Variants in MYO7B observed in about 807,000 individuals in gnomAD.
The protein encoded by MYO7B is unconventional myosin-VIIb.
MYO7B carries 212 observed loss-of-function variants against 259.7 expected under a neutral mutation model. That is an observed-to-expected ratio of 0.82 (90% CI 0.73 to 0.91). The LOEUF (loss-of-function observed/expected upper bound fraction) is 0.91. Among genes scored for constraint, MYO7B ranks in the 40% least tolerant of loss-of-function variants. The pLI is 0.00. For missense variants in MYO7B, 2,732 were observed against 2,813.5 expected, an observed-to-expected ratio of 0.97 and a Z score of 0.66; for synonymous variants, 1,197 against 1,166.4, an observed-to-expected ratio of 1.03 and a Z score of -0.54.
At position 127,635,231 on chromosome 2, in the gene MYO7B, C is replaced by G; in HGVS notation, c.5820+5C>G. On this transcript the variant is annotated splice_donor_5th_base_variant and intron_variant, in intron 43 of 47. Coordinates refer to ENST00000409816, the MANE Select transcript of MYO7B (RefSeq NM_001393586.1). ...ACCATACTCCATTACCACCAGGTAC[C>G]GGGCAGGCTGCCCTGGTGGGCACTG... 1 of 1,610,116 alleles carries G rather than the reference C, an allele frequency of 6.2e-7. No individual in the cohort carries two copies.
At chr2:127,538,309 A>G (rs531946307) in intron 1 of MYO7B, among the ~76,000 whole-genome samples, 43 of 152,294 alleles carry the variant, frequency 2.8e-4, no homozygotes, top group Non-Finnish European at 8.8e-5. Flanking sequence ...CCATGATGAT[A>G]GAAATGTTCT....
At chr2:127,603,947 T>C (rs973440946) in intron 19 of MYO7B, among the ~76,000 whole-genome samples, 4 of 148,718 alleles carry the variant, frequency 2.7e-5, no homozygotes, top group East Asian at 1.9e-4. Flanking sequence ...GCCTGGCCAA[T>C]ATGGTGAAAC....
rs1452751865 is a variant in MYO7B, at chr2:127,612,335, C to T, written c.3270+8C>T. The T allele has an allele frequency of 1.6e-6, 2 of 1,218,062 alleles. No homozygotes were observed. Among genetic ancestry groups the T allele is most frequent in the Admixed American group, 2.0e-5 (1 of 50,278 alleles). The allele number at this position is 1,218,062 out of a possible 1,614,324, so 75.5% of individuals were successfully genotyped here. A position where few individuals can be genotyped will look rare whatever the true frequency, so the allele number is the denominator to read the frequency against. On this transcript the variant is annotated splice_region_variant and intron_variant, in intron 25 of 47. Coordinates refer to ENST00000409816, the MANE Select transcript of MYO7B (RefSeq NM_001393586.1). ...TCCCGGATCACAGGCCAGGTGAGCC[C>T]AGAGCACAGAATCTCTGCTCCCAGC... is the stretch of plus-strand genomic sequence containing the variant.
Position 127,586,418 on chromosome 2 carries a change from T to C in MYO7B, c.1690+1505T>C, listed in dbSNP as rs930336531. 3.9e-5 allele frequency among the ~76,000 whole-genome samples: 6 copies of C among 152,194 alleles called. No individual in the cohort carries two copies. Among genetic ancestry groups the C allele is most frequent in the African/African-American group, 1.4e-4 (6 of 41,458 alleles). ...GAGGAGGTGTTCTGGTCTATTTAAC[T>C]GGAGACAGGAATCCAGGGATGATTC... On this transcript the variant is annotated intron_variant, in intron 14 of 47. Coordinates refer to ENST00000409816, the MANE Select transcript of MYO7B (RefSeq NM_001393586.1). This position sits in a 1 kb window ranked among gnomAD's most constrained non-coding sequence, Gnocchi z 4.8.
At chr2:127,591,734 C>G (rs574093315) in intron 16 of MYO7B, among the ~76,000 whole-genome samples, 1 of 152,308 alleles carries the variant, frequency 6.6e-6, no homozygotes, top group African/African-American at 2.4e-5. Flanking sequence ...CTCAGAGACT[C>G]CTGGCTTGTA....
At position 127,637,588 on chromosome 2, in the gene MYO7B, C is replaced by T. The variant is rs1573738062; in HGVS notation, c.*171C>T. ...GGCCCCCTCTGTCCTGGGCGCTGCC[C>T]AGGGAGGCCAAAAGACGGGCCCAGA... On this transcript the variant is annotated 3_prime_UTR_variant, in exon 48 of 48. Transcript: ENST00000409816. 1 of 500,340 alleles carries T rather than the reference C, an allele frequency of 2.0e-6. No individual in the cohort carries two copies. The highest frequency in any genetic ancestry group is 3.1e-5 in the East Asian group (1 of 32,316). 31.0% of individuals were successfully genotyped at this position (500,340 alleles called of 1,614,324 possible).
rs552377607 is a variant in MYO7B at position 127,625,032 on chromosome 2, A to AG, written c.4048-330dup. ...GCTGGGCCCCAGCAGAAACTCCGCA[A>AG]GGGGGGCTACTGGTCTCCCTTGACA... On this transcript the variant is annotated intron_variant, in intron 30 of 47. Coordinates refer to ENST00000409816, the MANE Select transcript of MYO7B (RefSeq NM_001393586.1). Among the ~76,000 whole-genome samples, 11 of 152,128 alleles carry AG rather than the reference A, an allele frequency of 7.2e-5. No individual in the cohort carries two copies. In the South Asian group the frequency reaches 8.3e-4, roughly 11 times the overall value.
At chr2:127,554,459 G>C (rs999868002) in intron 1 of MYO7B, among the ~76,000 whole-genome samples, 2 of 152,204 alleles carry the variant, frequency 1.3e-5, no homozygotes, top group African/African-American at 4.8e-5. Context: ...TTATCTTTTT[G>C]AGATGCTGTT....
chr2:127,625,357 G>A lies in MYO7B; in HGVS notation c.4048-11G>A. 6.5e-7 allele frequency: 1 copy of A among 1,544,598 alleles called. No homozygotes were observed. The highest frequency in any genetic ancestry group is 8.7e-7 in the Non-Finnish European group (1 of 1,144,788). The stretch of plus-strand genomic sequence containing the variant: ...TCTCACTCGCCCCCGTGGGTGCCCT[G>A]GGCTGTGCAGGAGGAAGAGCTGGTT... On this transcript the variant is annotated splice_polypyrimidine_tract_variant and intron_variant, in intron 30 of 47. Transcript: ENST00000409816.
Position 127,628,224 on chromosome 2 carries a change from G to C in MYO7B, c.4461-148G>C, listed in dbSNP as rs201803219. On this transcript the variant is annotated intron_variant, in intron 33 of 47. Transcript: ENST00000409816. The surrounding 1 kb of genome is among the most constrained non-coding windows in gnomAD (Gnocchi z 4.8). Reference sequence around the variant, plus strand: ...TCCTTCATTTGTCCAGACCCACAGTGGTGTCTGGCCTAGTCCTGGCCCTGG... The same window carrying C: ...TCCTTCATTTGTCCAGACCCACAGTCGTGTCTGGCCTAGTCCTGGCCCTGG... 27 of 929,778 alleles carry C rather than the reference G, an allele frequency of 2.9e-5. No individual in the cohort carries two copies. The highest frequency in any genetic ancestry group is 4.4e-5 in the Non-Finnish European group (26 of 594,382). The allele number at this position is 929,778 out of a possible 1,614,324, so 57.6% of individuals were successfully genotyped here.
chr2:127,631,769 G>A lies in MYO7B; in HGVS notation c.5249+16G>A, dbSNP rs200293641. The A allele has an allele frequency of 3.7e-4, 588 of 1,609,742 alleles. 1 individual carries two copies. The African/African-American group carries it at 6.5e-3, about 18-fold the overall frequency. The stretch of plus-strand genomic sequence containing the variant: ...ACTCCAACAGGTCTGCTGGGGCGGC[G>A]GCCAGCCCACGCGGGCACCCTCAGT... On this transcript the variant is annotated intron_variant, in intron 38 of 47. Coordinates refer to ENST00000409816, the MANE Select transcript of MYO7B (RefSeq NM_001393586.1).
intron 35 of MYO7B, 129 bp downstream of exon 35, chr2:127,629,955 G>A (rs576595917): frequency 3.5e-4 from 350 of 1,001,668 alleles, no homozygotes; most frequent in Middle Eastern, 6.7e-4. Context: ...AGGGCCACCC[G>A]GGCAGCCCCC....
chr2:127,536,287 A>C (rs540470344), intron 1 of MYO7B, among the ~76,000 whole-genome samples: 80 of 152,298 alleles, frequency 5.3e-4, no homozygotes, highest in African/African-American at 1.3e-3. Flanking sequence ...AATTGCCTCC[A>C]TTTTATGGAC....
Position 127,559,193 on chromosome 2 carries a change from G to A in MYO7B, c.-23-507G>A, listed in dbSNP as rs1432819402. 1.3e-5 allele frequency among the ~76,000 whole-genome samples: 2 copies of A among 152,224 alleles called. No individual in the cohort carries two copies. Among genetic ancestry groups the A allele is most frequent in the Non-Finnish European group, 2.9e-5 (2 of 68,044 alleles). ...TAGAACCACCAGGTGCTAAGGACAG[G>A]TTTGAAAGGAGGCAGATCCGGGTTT... On this transcript the variant is annotated intron_variant, in intron 1 of 47. Coordinates refer to ENST00000409816, the MANE Select transcript of MYO7B (RefSeq NM_001393586.1). This position sits in a 1 kb window ranked among gnomAD's most constrained non-coding sequence, Gnocchi z 4.1.
rs979467493 is a variant in MYO7B at position 127,608,309 on chromosome 2, C to T, written c.2644-399C>T. ...TGCAAAGCAGCCTTATCTGTGACTT[C>T]GTTACTGCAGCCCCTGGGGACCTGT... On this transcript the variant is annotated intron_variant, in intron 21 of 47. Transcript: ENST00000409816. 3.3e-5 allele frequency among the ~76,000 whole-genome samples: 5 copies of T among 152,330 alleles called. No homozygotes were observed. In the South Asian group the frequency reaches 6.2e-4, roughly 19 times the overall value.
intron 47 of MYO7B, 194 bp downstream of exon 47, chr2:127,637,107 C>A: frequency 9.3e-7 from 1 of 1,078,800 alleles, no homozygotes; most frequent in Non-Finnish European, 1.4e-6. Flanking sequence ...CAGGCGGGAC[C>A]CCCTGCGCCC....
intron 19 of MYO7B, among the ~76,000 whole-genome samples, chr2:127,603,983 A>C (rs569100762): frequency 9.9e-5 from 15 of 152,260 alleles, no homozygotes; most frequent in Non-Finnish European, 1.9e-4. Context: ...AATACAAAAA[A>C]TTAGCCGGGC....
chr2:127,609,484 T>C lies in MYO7B; in HGVS notation c.2815-22T>C. On this transcript the variant is annotated intron_variant, in intron 22 of 47. Coordinates refer to ENST00000409816, the MANE Select transcript of MYO7B (RefSeq NM_001393586.1). This position sits in a 1 kb window ranked among gnomAD's most constrained non-coding sequence, Gnocchi z 6.9. Reference sequence around the variant, plus strand: ...GTTACCTGAAAGCCCTGCTGACCCGTGTTCTCCCTCAATGGCCGTAGGATC... The same window carrying C: ...GTTACCTGAAAGCCCTGCTGACCCGCGTTCTCCCTCAATGGCCGTAGGATC... The C allele has an allele frequency of 1.3e-6, 2 of 1,598,428 alleles. No individual in the cohort carries two copies. The highest frequency in any genetic ancestry group is 2.3e-5 in the East Asian group (1 of 44,208).
intron 26 of MYO7B, among the ~76,000 whole-genome samples, chr2:127,616,034 G>T (rs1402352306): frequency 2.0e-5 from 3 of 152,032 alleles, no homozygotes; most frequent in Non-Finnish European, 4.4e-5. Flanking sequence ...CAGAAGCAAA[G>T]GCTTTTGTGG....
Sources: gnomAD v4.1 joint callset for allele counts (sites outside exome capture counted in the v4.1 genomes callset) on GRCh38, gnomAD v4.1.1 for gene constraint, Gnocchi (gnomAD v3.1) non-coding constraint, MANE v1.5 for transcripts, NCBI Gene and HGNC (gene_info 2026-07-23, HGNC 2026-07-21) for gene names.